Variants in ADAMTS12 observed in about 807,000 individuals in gnomAD.
ADAMTS12 encodes the protein A disintegrin and metalloproteinase with thrombospondin motifs 12.
A neutral mutation model predicts 167.8 loss-of-function variants in ADAMTS12; 118 were observed. That is an observed-to-expected ratio of 0.70 (90% CI 0.61 to 0.82). The LOEUF (loss-of-function observed/expected upper bound fraction) is 0.82, where lower values mean the gene tolerates loss of function less well. Ranked by LOEUF, ADAMTS12 falls within the 40% of genes least tolerant of loss-of-function variation. ADAMTS12 has a pLI of 0.00. For missense variants in ADAMTS12, 1,916 were observed against 1,998.8 expected, an observed-to-expected ratio of 0.96 and a Z score of 0.79; for synonymous variants, 704 against 716.9, an observed-to-expected ratio of 0.98 and a Z score of 0.29.
At chr5:33,733,526 G>A (rs545787539) in intron 3 of ADAMTS12, among the ~76,000 whole-genome samples, 36 of 152,288 alleles carry the variant, frequency 2.4e-4, no homozygotes, top group African/African-American at 7.5e-4. Context: ...CCTGGAATAC[G>A]TGGTCTTCAA....
At chr5:33,888,157 G>A (rs557991416) in intron 1 of ADAMTS12, 3 of 152,268 alleles carry the variant, frequency 2.0e-5, no homozygotes, top group Admixed American at 6.5e-5. Flanking sequence ...CTTCCAAAGC[G>A]AGCATTATCT....
At chr5:33,650,116 C>T (rs187225665) in intron 7 of ADAMTS12, among the ~76,000 whole-genome samples, 1 of 152,314 alleles carries the variant, frequency 6.6e-6, no homozygotes, top group East Asian at 1.9e-4. Flanking sequence ...ATTTAAGAGA[C>T]AGCATGAAAG....
intron 1 of ADAMTS12, among the ~76,000 whole-genome samples, chr5:33,886,002 G>A (rs537266537): frequency 6.6e-6 from 1 of 152,170 alleles, no homozygotes; most frequent in South Asian, 2.1e-4. Flanking sequence ...TGTGGCGGAA[G>A]CAAACTTAAT....
chr5:33,599,340 C>G (rs1368204493), intron 16 of ADAMTS12, among the ~76,000 whole-genome samples: 1 of 152,202 alleles, frequency 6.6e-6, no homozygotes, highest in African/African-American at 2.4e-5. Context: ...TTGAGCTTGG[C>G]TTGCTATAGT....
At chr5:33,794,474 A>G (rs959519174) in intron 2 of ADAMTS12, among the ~76,000 whole-genome samples, 51 of 147,874 alleles carry the variant, frequency 3.4e-4, no homozygotes, top group African/African-American at 1.2e-3. Flanking sequence ...GCCTGGGAAG[A>G]TTCTGGTTTT....
intron 2 of ADAMTS12, among the ~76,000 whole-genome samples, chr5:33,863,132 C>A (rs1359335524): frequency 1.3e-5 from 2 of 152,140 alleles, no homozygotes; most frequent in African/African-American, 4.8e-5. Flanking sequence ...AAAACCGGCA[C>A]AAGACAAGGA....
intron 2 of ADAMTS12, among the ~76,000 whole-genome samples, chr5:33,841,595 T>C (rs2111598330): frequency 6.6e-6 from 1 of 152,346 alleles, no homozygotes; most frequent in African/African-American, 2.4e-5. Flanking sequence ...GTAGGAGTTA[T>C]TTTTATCCTA....
In ADAMTS12 at chr5:33,546,075, G is replaced by C; in HGVS notation, c.4430C>G (p.Thr1477Ser). 1 of 1,612,840 alleles carries C rather than the reference G, an allele frequency of 6.2e-7. No homozygotes were observed. The highest frequency in any genetic ancestry group is 1.7e-5 in the Admixed American group (1 of 59,826). Residue 1477 changes from threonine to serine, a missense_variant, in exon 22 of 24, where the codon ACT (threonine) becomes AGT (serine). Coordinates refer to ENST00000504830, the MANE Select transcript of ADAMTS12 (RefSeq NM_030955.4). ...AAGTCTTACCAGGTCCCAGTTCCCA[G>C]TGGCCCAGTGACAGCACAGGTGCTC... The part of the protein sequence containing the change: ...CNEHLCCHWA[T>S]GNWDLCSTSC...
At chr5:33,588,290 G>A (rs1384792238) in intron 18 of ADAMTS12, among the ~76,000 whole-genome samples, 4 of 152,102 alleles carry the variant, frequency 2.6e-5, no homozygotes, top group Non-Finnish European at 5.9e-5. Context: ...TGCTACCAGT[G>A]GTTTAACAAT....
chr5:33,641,923 C>T lies in ADAMTS12; in HGVS notation c.1605G>A (p.Gly535=). The change falls in exon 11 of 24, where the codon GGG becomes GGA. Residue 535 remains glycine, a synonymous_variant. Coordinates refer to ENST00000504830, the MANE Select transcript of ADAMTS12 (RefSeq NM_030955.4). ...WCMAGKCITV[G]KKPESIPGGW... The stretch of plus-strand genomic sequence containing the variant: ...CTCCAGGAATGCTCTCTGGTTTCTT[C>T]CCCACTGTGATGCACTTGCCTGCCA... 2 of 1,613,408 alleles carry T rather than the reference C, an allele frequency of 1.2e-6. No homozygotes were observed. Among genetic ancestry groups the T allele is most frequent in the African/African-American group, 1.3e-5 (1 of 75,024 alleles).
rs1018848012 is a variant in ADAMTS12, at chr5:33,881,314, C to T, written c.294G>A (p.Glu98=). 3 of 1,614,070 alleles carry T rather than the reference C, an allele frequency of 1.9e-6. No individual in the cohort carries two copies. The highest frequency in any genetic ancestry group is 1.7e-6 in the Non-Finnish European group (2 of 1,180,050). ...EDWVYYRISH[E]EKDLFFNLTV... Reference sequence around the variant, plus strand: ...TCAAGTTAAAAAACAGGTCCTTCTCCTCGTGAGAAATTCTGTAGTACACCC... The same window carrying T: ...TCAAGTTAAAAAACAGGTCCTTCTCTTCGTGAGAAATTCTGTAGTACACCC... Residue 98 remains glutamate, a synonymous_variant, in exon 2 of 24, where the codon GAG becomes GAA. Coordinates refer to ENST00000504830, the MANE Select transcript of ADAMTS12 (RefSeq NM_030955.4).
chr5:33,816,012 A>G (rs1235670473), intron 2 of ADAMTS12, among the ~76,000 whole-genome samples: 1 of 152,142 alleles, frequency 6.6e-6, no homozygotes, highest in Admixed American at 6.5e-5. Context: ...GAGTAGTGTG[A>G]TTCTATGGAA....
At chr5:33,791,321 A>G (rs1253575006) in intron 2 of ADAMTS12, among the ~76,000 whole-genome samples, 1 of 152,210 alleles carries the variant, frequency 6.6e-6, no homozygotes, top group Non-Finnish European at 1.5e-5. Context: ...TATGCTCTGT[A>G]ATGCTAGGCA....
chr5:33,815,961 C>T (rs1236705358), intron 2 of ADAMTS12, among the ~76,000 whole-genome samples: 3 of 152,254 alleles, frequency 2.0e-5, no homozygotes, highest in African/African-American at 7.2e-5. Flanking sequence ...TCCTGGTCTC[C>T]GTCTGCAAAT....
intron 17 of ADAMTS12, among the ~76,000 whole-genome samples, chr5:33,589,254 C>T (rs1747522720): frequency 6.6e-6 from 1 of 152,132 alleles, no homozygotes; most frequent in African/African-American, 2.4e-5. Context: ...ATAACAAGAA[C>T]TCAAGCATTT....
Position 33,634,236 on chromosome 5 carries a change from T to G in ADAMTS12, c.1889-3323A>C, listed in dbSNP as rs78103639. On this transcript the variant is annotated intron_variant, in intron 12 of 23. Transcript: ENST00000504830. ...TTTCATCATTTTAAAGAATCCAGTT[T>G]CTAAAATCCATTCACAGGCAGGGCT... Among the ~76,000 whole-genome samples the G allele has an allele frequency of 6.7e-3, 1,017 of 152,294 alleles. 10 individuals carry two copies. The highest frequency in any genetic ancestry group is 0.023 in the African/African-American group (971 of 41,570).
intron 18 of ADAMTS12, among the ~76,000 whole-genome samples, chr5:33,583,868 G>A (rs925508345): frequency 6.6e-6 from 1 of 152,214 alleles, no homozygotes; most frequent in Admixed American, 6.5e-5. Flanking sequence ...TTCACTGAGG[G>A]TAACATTTAA....
intron 6 of ADAMTS12, among the ~76,000 whole-genome samples, chr5:33,660,061 C>A (rs898583887): frequency 1.3e-5 from 2 of 152,102 alleles, no homozygotes; most frequent in Non-Finnish European, 2.9e-5. Context: ...ATAGGCCCAA[C>A]GACAAAGAAT....
At chr5:33,828,136 A>G (rs941238309) in intron 2 of ADAMTS12, among the ~76,000 whole-genome samples, 3 of 152,214 alleles carry the variant, frequency 2.0e-5, no homozygotes, top group Admixed American at 2.0e-4. Context: ...TGGTCACACC[A>G]GGCTACTCCC....
Sources: allele counts gnomAD v4.1 joint callset (sites outside exome capture counted in the v4.1 genomes callset), GRCh38; gene constraint gnomAD v4.1.1; transcripts MANE v1.5; gene names NCBI Gene and HGNC (gene_info 2026-07-23, HGNC 2026-07-21).